Variants in VSTM4 observed in about 807,000 individuals in gnomAD.
VSTM4 encodes the protein V-set and transmembrane domain-containing protein 4.
In VSTM4, 20 loss-of-function variants were observed where a neutral mutation model predicts 36.4. The observed-to-expected ratio is 0.55, with a 90% CI of 0.39 to 0.80. The LOEUF is 0.80. Among genes scored for constraint, VSTM4 ranks in the 30% least tolerant of loss-of-function variants. The probability of loss-of-function intolerance (pLI) is 0.00; values close to 1 mark genes in which losing one functional copy is unlikely to be tolerated. For synonymous variants in VSTM4, 182 were observed against 173.9 expected, an observed-to-expected ratio of 1.05 and a Z score of -0.37; for missense variants, 392 against 404.5, an observed-to-expected ratio of 0.97 and a Z score of 0.26.
chr10:49,079,630 G>C (rs1263765651), intron 3 of VSTM4, among the ~76,000 whole-genome samples: 1 of 152,092 alleles, frequency 6.6e-6, no homozygotes, highest in African/African-American at 2.4e-5. Flanking sequence ...ACACACAAAG[G>C]CTTTCTCTTC....
intron 5 of VSTM4, among the ~76,000 whole-genome samples, chr10:49,054,658 C>G (rs1843748463): frequency 1.3e-5 from 2 of 152,204 alleles, no homozygotes. Flanking sequence ...ACAGCATAAA[C>G]TGAGCTGATT....
At chr10:49,050,942 A>G (rs1320528155) in intron 5 of VSTM4, among the ~76,000 whole-genome samples, 4 of 152,184 alleles carry the variant, frequency 2.6e-5, no homozygotes, top group Non-Finnish European at 4.4e-5. Flanking sequence ...TGAGTGGAAG[A>G]TAGATTTCCC....
chr10:49,037,962 A>G (rs1843458998), intron 7 of VSTM4, among the ~76,000 whole-genome samples: 2 of 152,098 alleles, frequency 1.3e-5, no homozygotes, highest in African/African-American at 4.8e-5. Context: ...GAAACCAACA[A>G]GTGTTGGTGA....
intron 7 of VSTM4, among the ~76,000 whole-genome samples, chr10:49,043,983 CTT>C: frequency 6.6e-6 from 1 of 152,292 alleles, no homozygotes; most frequent in East Asian, 1.9e-4. Context: ...GTAGTGCTGT[CTT>C]TTTACTTCTT....
chr10:49,115,343 C>T (rs1311621094), intron 1 of VSTM4, 88 bp downstream of exon 1: 2 of 902,446 alleles, frequency 2.2e-6, no homozygotes, highest in Non-Finnish European at 2.7e-6. Flanking sequence ...GTGGCAGGGC[C>T]TCCCCACCAG....
chr10:49,101,989 T>TG (rs1844674846), intron 2 of VSTM4, among the ~76,000 whole-genome samples: 1 of 96,196 alleles, frequency 1.0e-5, no homozygotes, highest in African/African-American at 4.2e-5. Flanking sequence ...GTGTGTGTGT[T>TG]TGTGTGTGTG....
rs1843101973 is a variant in VSTM4 at position 49,016,116 on chromosome 10, T to G, written c.*3534A>C. 2.6e-5 allele frequency: 1 copy of G among 38,400 alleles called. No homozygotes were observed. The highest frequency in any genetic ancestry group is 7.2e-5 in the Non-Finnish European group (1 of 13,938). 2.4% of individuals were successfully genotyped at this position (38,400 alleles called of 1,614,324 possible). ...TGGGCACCCTGGGTACTGATATCAG[T>G]ATTTTGTTTGTTTGTTTGTTTGTTT... is the stretch of plus-strand genomic sequence containing the variant. On this transcript the variant is annotated 3_prime_UTR_variant, in exon 8 of 8. Coordinates refer to ENST00000332853, the MANE Select transcript of VSTM4 (RefSeq NM_001031746.5).
chr10:49,083,809 T>C (rs1844322711), intron 3 of VSTM4, among the ~76,000 whole-genome samples: 1 of 152,254 alleles, frequency 6.6e-6, no homozygotes, highest in Non-Finnish European at 1.5e-5. Context: ...ATATATGGTC[T>C]TGTTTTTGCA....
At chr10:49,050,828 C>A (rs918741398) in intron 5 of VSTM4, among the ~76,000 whole-genome samples, 1 of 152,180 alleles carries the variant, frequency 6.6e-6, no homozygotes, top group Non-Finnish European at 1.5e-5. Flanking sequence ...ACTGTCATAA[C>A]CAAAACACAA....
intron 4 of VSTM4, among the ~76,000 whole-genome samples, chr10:49,073,019 T>A (rs1457445689): frequency 3.3e-5 from 5 of 152,244 alleles, no homozygotes; most frequent in African/African-American, 1.2e-4. Context: ...GCAACTATTC[T>A]TAGTTATACC....
chr10:49,048,564 C>T lies in VSTM4; in HGVS notation c.689G>A (p.Ser230Asn), dbSNP rs1385422941. 1 of 1,593,504 alleles carries T rather than the reference C, an allele frequency of 6.3e-7. No homozygotes were observed. The highest frequency in any genetic ancestry group is 8.5e-7 in the Non-Finnish European group (1 of 1,173,254). The change falls in exon 6 of 8, where the codon AGC (serine) becomes AAC (asparagine). Residue 230 changes from serine to asparagine, a missense_variant. By Grantham distance (46) the Ser-to-Asn change is conservative. Coordinates refer to ENST00000332853, the MANE Select transcript of VSTM4 (RefSeq NM_001031746.5). ...PQNSSGETVTSVTSLAPLQPK... is the reference protein window; with the variant it reads ...PQNSSGETVTNVTSLAPLQPK... ...CTGTAGTGGGGCCAAGCTGGTCACGCTAGTGACAGTCTCCCCTGAGCTGTA... is the reference window on the plus strand; with the variant it reads ...CTGTAGTGGGGCCAAGCTGGTCACGTTAGTGACAGTCTCCCCTGAGCTGTA...
Position 49,085,974 on chromosome 10 carries a change from C to G in VSTM4, c.507G>C (p.Glu169Asp). ...SEESSFEKTK[E>D]TWAFFEDLYV... is the part of the protein sequence containing the mutation. ...CTTTACCTTCAAAAAATGCCCAAGT[C>G]TCTTTTGTTTTCTCAAAGGATGACT... Residue 169 changes from glutamate to aspartate, a missense_variant, in exon 3 of 8, where the codon GAG (glutamate) becomes GAC (aspartate). Glu to Asp is a conservative substitution (Grantham distance 45). Coordinates refer to ENST00000332853, the MANE Select transcript of VSTM4 (RefSeq NM_001031746.5). The G allele has an allele frequency of 6.3e-7, 1 of 1,592,946 alleles. No individual in the cohort carries two copies. Among genetic ancestry groups the G allele is most frequent in the Non-Finnish European group, 8.5e-7 (1 of 1,171,312 alleles).
chr10:49,081,731 C>T (rs999483038), intron 3 of VSTM4, among the ~76,000 whole-genome samples: 2 of 152,218 alleles, frequency 1.3e-5, no homozygotes, highest in Admixed American at 6.5e-5. Context: ...ACACACAGGC[C>T]TCCAGTTATG....
chr10:49,085,461 T>G (rs1844353550), intron 3 of VSTM4, among the ~76,000 whole-genome samples: 1 of 152,214 alleles, frequency 6.6e-6, no homozygotes, highest in Non-Finnish European at 1.5e-5. Flanking sequence ...TAAAATGTAG[T>G]CACAGTAGAG....
intron 7 of VSTM4, among the ~76,000 whole-genome samples, chr10:49,036,407 C>CT (rs540749721): frequency 1.7e-3 from 263 of 152,220 alleles, no homozygotes; most frequent in African/African-American, 6.2e-3. Context: ...GTGGTTGTGG[C>CT]TTTTTTTCTT....
rs533669748 is a variant in VSTM4, at chr10:49,091,738, TACTC to T, written c.458-5719_458-5716del. ...TGACATGCTTTGTCTAGACTGACCT[TACTC>T]ACCCACGGAAGTGATGGCCAAAAAT... is the stretch of plus-strand genomic sequence containing the variant. On this transcript the variant is annotated intron_variant, in intron 2 of 7. Transcript: ENST00000332853. Among the ~76,000 whole-genome samples the T allele has an allele frequency of 5.3e-5, 8 of 152,280 alleles. No homozygotes were observed. The South Asian group carries it at 1.5e-3, about 28-fold the overall frequency.
intron 2 of VSTM4, among the ~76,000 whole-genome samples, chr10:49,105,213 C>CAGAGAGAGAG (rs376193769): frequency 2.6e-5 from 3 of 117,528 alleles, no homozygotes; most frequent in Non-Finnish European, 1.7e-5. Flanking sequence ...GACAGAGAGA[C>CAGAGAGAGAG]AGAGAGAGAG....
At position 49,019,643 on chromosome 10, in the gene VSTM4, C is replaced by T. The variant is rs372047930; in HGVS notation, c.*7G>A. The T allele has an allele frequency of 2.1e-5, 34 of 1,600,576 alleles. No homozygotes were observed. The highest frequency in any genetic ancestry group is 2.7e-5 in the African/African-American group (2 of 74,430). On this transcript the variant is annotated 3_prime_UTR_variant, in exon 8 of 8. Coordinates refer to ENST00000332853, the MANE Select transcript of VSTM4 (RefSeq NM_001031746.5). The stretch of plus-strand genomic sequence containing the variant: ...TATTAAATAGAACCTTGGAGGTGGA[C>T]GCTGTACTACAGCTTGTTCTCCTCG...
intron 2 of VSTM4, among the ~76,000 whole-genome samples, chr10:49,089,772 C>T (rs1312180632): frequency 6.6e-6 from 1 of 152,220 alleles, no homozygotes; most frequent in Non-Finnish European, 1.5e-5. Flanking sequence ...CCAAGGTTCT[C>T]CCATAAGTAT....
Sources: gnomAD v4.1 joint callset for allele counts (sites outside exome capture counted in the v4.1 genomes callset) on GRCh38, gnomAD v4.1.1 for gene constraint, MANE v1.5 for transcripts, NCBI Gene and HGNC (gene_info 2026-07-23, HGNC 2026-07-21) for gene names.